C20orf203: variants seen among roughly 807,000 people sequenced by gnomAD.
The protein encoded by C20orf203 is chromosome 20 open reading frame 203.
Under a neutral mutation model 15.9 loss-of-function variants are expected in C20orf203, and 16 were observed. The observed-to-expected ratio is 1.01, with a 90% CI of 0.68 to 1.53. The LOEUF is 1.53. Ranked by LOEUF, C20orf203 falls within the 40% of genes most tolerant of loss-of-function variation. The pLI, the probability that C20orf203 is intolerant of heterozygous loss-of-function variation, is 0.00. For missense variants in C20orf203, 263 were observed against 247.5 expected (o/e 1.06, Z -0.42); for synonymous variants, 98 against 97.2 (o/e 1.01, Z -0.05).
At position 32,667,627 on chromosome 20, in the gene C20orf203, T is replaced by C. The variant is rs2145682787; in HGVS notation, c.-264+6005A>G. Among the ~76,000 whole-genome samples, 3 of 152,320 alleles carry C rather than the reference T, an allele frequency of 2.0e-5. No individual in the cohort carries two copies. In the South Asian group the frequency reaches 6.2e-4, roughly 32 times the overall value. On this transcript the variant is annotated intron_variant, in intron 1 of 5. Coordinates refer to ENST00000608990, the MANE Select transcript of C20orf203 (RefSeq NM_182584.4). ...TTTGCCAAGGGCTAGAATTGAAATA[T>C]CTGCCACCTTCTGTAGCTCATAGAA...
intron 1 of C20orf203, among the ~76,000 whole-genome samples, chr20:32,663,795 G>A (rs956578300): frequency 6.6e-6 from 1 of 152,234 alleles, no homozygotes; most frequent in Non-Finnish European, 1.5e-5. Context: ...CCAGGCCACA[G>A]GAGGCCTAGG....
rs542460541 is a variant in C20orf203, at chr20:32,650,319, C to A, written c.*113G>T. 7.8e-6 allele frequency: 6 copies of A among 772,724 alleles called. No homozygotes were observed. In the East Asian group the frequency reaches 1.1e-4, roughly 14 times the overall value. The allele number at this position is 772,724 out of a possible 1,614,324, so 47.9% of individuals were successfully genotyped here. On this transcript the variant is annotated 3_prime_UTR_variant, in exon 4 of 6. Coordinates refer to ENST00000608990, the MANE Select transcript of C20orf203 (RefSeq NM_182584.4). ...AGCTGGGCGTGCCGGGCCCATCCCC[C>A]ACTCTGGGGAGCAGAATGATTGTGG...
At chr20:32,645,165 G>A (rs748984894) in intron 4 of C20orf203, among the ~76,000 whole-genome samples, 1 of 152,240 alleles carries the variant, frequency 6.6e-6, no homozygotes, top group East Asian at 1.9e-4. Flanking sequence ...TGGGTTTGTC[G>A]CTCGATGTCC....
intron 1 of C20orf203, among the ~76,000 whole-genome samples, chr20:32,669,641 A>C (rs1385547739): frequency 2.6e-5 from 4 of 152,208 alleles, no homozygotes; most frequent in Admixed American, 6.5e-5. Context: ...CCCTTTCCTT[A>C]CACAACACAA....
At chr20:32,651,193 A>C in intron 2 of C20orf203, 27 bp from the exon 3 acceptor site, 1 of 490,410 alleles carries the variant, frequency 2.0e-6, no homozygotes, top group Non-Finnish European at 3.5e-6. Context: ...AAAAAAAAAA[A>C]TTAGCTGGGT....
intron 1 of C20orf203, among the ~76,000 whole-genome samples, chr20:32,664,820 C>T (rs565474776): frequency 1.5e-3 from 228 of 152,384 alleles, no homozygotes; most frequent in African/African-American, 5.2e-3. Context: ...CACATCCCCA[C>T]ACTGTGCCCC....
chr20:32,648,007 GC>G (rs1225303014), intron 4 of C20orf203, among the ~76,000 whole-genome samples: 1 of 152,204 alleles, frequency 6.6e-6, no homozygotes, highest in Non-Finnish European at 1.5e-5. Context: ...CACCCTCTGT[GC>G]CCTCTGAGGA....
In C20orf203 at chr20:32,650,402, G is replaced by T; in HGVS notation, c.*30C>A. ...GTGGCCTTGGTAGGACAGGCAGGCA[G>T]AGCTGGGGGTGGGGGCGCCCTGGGC... On this transcript the variant is annotated 3_prime_UTR_variant, in exon 4 of 6. Transcript: ENST00000608990. The T allele has an allele frequency of 6.6e-7, 1 of 1,507,070 alleles. No homozygotes were observed. Among genetic ancestry groups the T allele is most frequent in the East Asian group, 2.5e-5 (1 of 40,690 alleles). 93.4% of individuals were successfully genotyped at this position (1,507,070 alleles called of 1,614,324 possible). A position where few individuals can be genotyped will look rare whatever the true frequency, so the allele number is the denominator to read the frequency against.
At chr20:32,669,007 G>T (rs1000438071) in intron 1 of C20orf203, among the ~76,000 whole-genome samples, 2 of 152,154 alleles carry the variant, frequency 1.3e-5, no homozygotes, top group African/African-American at 4.8e-5. Flanking sequence ...AAGTTTTCCA[G>T]TTCAGAAGGA....
intron 1 of C20orf203, among the ~76,000 whole-genome samples, chr20:32,672,113 G>A (rs1010284851): frequency 3.3e-5 from 5 of 152,016 alleles, no homozygotes; most frequent in East Asian, 1.9e-4. Flanking sequence ...TCAGGAGTTC[G>A]AGACCAGCCT....
intron 1 of C20orf203, among the ~76,000 whole-genome samples, chr20:32,672,965 G>T (rs1338428574): frequency 6.6e-6 from 1 of 152,184 alleles, no homozygotes; most frequent in East Asian, 1.9e-4. Flanking sequence ...CTCGGGCTTT[G>T]AGAGCCAGAA....
At chr20:32,647,700 A>G (rs2145668069) in intron 4 of C20orf203, among the ~76,000 whole-genome samples, 1 of 152,266 alleles carries the variant, frequency 6.6e-6, no homozygotes, top group East Asian at 1.9e-4. Context: ...GCAAGACCCT[A>G]TGTCTAAAAA....
intron 1 of C20orf203, among the ~76,000 whole-genome samples, chr20:32,653,861 G>A (rs1357662497): frequency 6.6e-6 from 1 of 152,154 alleles, no homozygotes; most frequent in African/African-American, 2.4e-5. Context: ...GGGAGGCCAA[G>A]GCAGGTGGAT....
chr20:32,643,119 G>A (rs928661091), intron 4 of C20orf203, among the ~76,000 whole-genome samples: 2 of 152,190 alleles, frequency 1.3e-5, no homozygotes, highest in Non-Finnish European at 2.9e-5. Context: ...CTGTGAGAAT[G>A]TGGCTGCTGG....
chr20:32,660,054 C>T (rs1004708546), intron 1 of C20orf203, among the ~76,000 whole-genome samples: 1 of 152,140 alleles, frequency 6.6e-6, no homozygotes, highest in African/African-American at 2.4e-5. Flanking sequence ...AGTCTTCATT[C>T]TGACTTTATT....
rs145722856 is a variant in C20orf203 at position 32,650,114 on chromosome 20, G to A, written c.*318C>T. ...CAGCACTCAGGGACCAAGCCAGAGA[G>A]ATGTGCCAGCGCCTCCCAAGGGAGA... On this transcript the variant is annotated 3_prime_UTR_variant, in exon 4 of 6. Transcript: ENST00000608990. 1.7e-3 allele frequency: 547 copies of A among 319,126 alleles called. 5 individuals carry two copies. Among genetic ancestry groups the A allele is most frequent in the African/African-American group, 0.011 (522 of 47,808 alleles). 19.8% of individuals were successfully genotyped at this position (319,126 alleles called of 1,614,324 possible).
At chr20:32,652,322 C>CAAAAA (rs11483593) in intron 1 of C20orf203, among the ~76,000 whole-genome samples, 1 of 18,236 alleles carries the variant, frequency 5.5e-5, no homozygotes, top group Non-Finnish European at 1.1e-4. Context: ...GACTCCATCT[C>CAAAAA]AAAAAAAAAA....
At chr20:32,654,569 G>A (rs773564101) in intron 1 of C20orf203, among the ~76,000 whole-genome samples, 8 of 151,964 alleles carry the variant, frequency 5.3e-5, no homozygotes, top group African/African-American at 9.7e-5. Context: ...TGGGCCAGGC[G>A]TGGTAGCTTA....
chr20:32,643,310 A>G (rs895032569), intron 4 of C20orf203, among the ~76,000 whole-genome samples: 1 of 152,226 alleles, frequency 6.6e-6, no homozygotes, highest in Non-Finnish European at 1.5e-5. Context: ...GATGACAGTC[A>G]TGCTTACTTT....
Sources: allele counts gnomAD v4.1 joint callset (sites outside exome capture counted in the v4.1 genomes callset), GRCh38; gene constraint gnomAD v4.1.1; transcripts MANE v1.5; gene names NCBI Gene and HGNC (gene_info 2026-07-23, HGNC 2026-07-21).